Variants in MYO5B observed in about 807,000 individuals in gnomAD.
MYO5B encodes the protein unconventional myosin-Vb.
A neutral mutation model predicts 229.3 loss-of-function variants in MYO5B; 143 were observed. The ratio of observed to expected loss-of-function variants is 0.62; its 90% CI spans 0.54 to 0.72. The LOEUF (loss-of-function observed/expected upper bound fraction) is 0.72. Ranked by LOEUF, MYO5B falls within the 30% of genes least tolerant of loss-of-function variation. The pLI is 0.00. For synonymous variants in MYO5B, 918 were observed against 885.2 expected (o/e 1.04, Z -0.66); for missense variants, 2,321 against 2,331.0 (o/e 1.00, Z 0.09).
At chr18:50,125,482 G>T (rs1048758735) in intron 1 of MYO5B, among the ~76,000 whole-genome samples, 1 of 151,940 alleles carries the variant, frequency 6.6e-6, no homozygotes, top group African/African-American at 2.4e-5. Flanking sequence ...TAACAAACCT[G>T]CACGTTGTGT....
At chr18:49,900,115 G>A (rs1012629150) in intron 21 of MYO5B, among the ~76,000 whole-genome samples, 12 of 152,238 alleles carry the variant, frequency 7.9e-5, no homozygotes, top group African/African-American at 2.9e-4. Flanking sequence ...CCAGCAGGGT[G>A]CAGCGGTCAA....
At chr18:49,939,391 G>T (rs374950524) in intron 14 of MYO5B, among the ~76,000 whole-genome samples, 2 of 152,060 alleles carry the variant, frequency 1.3e-5, no homozygotes, top group Admixed American at 1.3e-4. Context: ...TGATCCGCCC[G>T]CCTCGGCCTT....
Position 50,001,333 on chromosome 18 carries a change from G to A in MYO5B, c.534C>T (p.Arg178=). The A allele has an allele frequency of 2.5e-6, 4 of 1,614,206 alleles. No homozygotes were observed. The highest frequency in any genetic ancestry group is 3.4e-6 in the Non-Finnish European group (4 of 1,180,032). The change falls in exon 5 of 40, where the codon CGC becomes CGT. Residue 178 remains arginine, a synonymous_variant. Transcript: ENST00000285039. The part of the protein sequence containing the change: ...GKTVSAKYAM[R]YFATVGGSAS... The stretch of plus-strand genomic sequence containing the variant: ...CCGAGCCACCAACGGTGGCGAAATA[G>A]CGCATGGCATACTTGGCTGATACCG...
chr18:50,112,128 G>A (rs1407805300), intron 1 of MYO5B, among the ~76,000 whole-genome samples: 2 of 152,182 alleles, frequency 1.3e-5, no homozygotes, highest in African/African-American at 4.8e-5. Context: ...GTCAAAGAAA[G>A]CCTCTCTAAG....
intron 1 of MYO5B, among the ~76,000 whole-genome samples, chr18:50,134,605 A>AAATAATG (rs1396061198): frequency 1.3e-5 from 2 of 148,824 alleles, no homozygotes; most frequent in African/African-American, 5.0e-5. Context: ...AATAAATAAT[A>AAATAATG]GCAGCCTCAA....
At chr18:50,131,935 T>C (rs889520176) in intron 1 of MYO5B, among the ~76,000 whole-genome samples, 1 of 152,214 alleles carries the variant, frequency 6.6e-6, no homozygotes, top group African/African-American at 2.4e-5. Flanking sequence ...GGACCTGAAC[T>C]TTTTGTGAAG....
intron 26 of MYO5B, among the ~76,000 whole-genome samples, chr18:49,875,051 T>A (rs2024501731): frequency 6.6e-6 from 1 of 152,262 alleles, no homozygotes; most frequent in South Asian, 2.1e-4. Context: ...TATTGTTATC[T>A]GCTGTCCTTT....
At chr18:50,119,869 G>C (rs1306666833) in intron 1 of MYO5B, among the ~76,000 whole-genome samples, 1 of 152,168 alleles carries the variant, frequency 6.6e-6, no homozygotes, top group African/African-American at 2.4e-5. Flanking sequence ...GATACCTTCT[G>C]AGAAGCACAA....
At chr18:49,980,631 T>G in intron 8 of MYO5B, 78 bp from the exon 9 acceptor site, 1 of 604,760 alleles carries the variant, frequency 1.7e-6, no homozygotes. Context: ...TTTAAGGACA[T>G]TTTTTTTTTT....
intron 22 of MYO5B, among the ~76,000 whole-genome samples, chr18:49,892,047 GAAT>G (rs2024721397): frequency 6.6e-6 from 1 of 152,310 alleles, no homozygotes; most frequent in East Asian, 1.9e-4. Context: ...AGCAGATTCT[GAAT>G]AATGAGCTGT....
chr18:49,928,301 C>T (rs2025152110), intron 17 of MYO5B, among the ~76,000 whole-genome samples: 1 of 152,176 alleles, frequency 6.6e-6, no homozygotes, highest in South Asian at 2.1e-4. Flanking sequence ...TAAACTAGAA[C>T]AACTGCTATG....
intron 1 of MYO5B, among the ~76,000 whole-genome samples, chr18:50,117,276 A>T (rs1162573964): frequency 3.4e-5 from 5 of 146,936 alleles, no homozygotes; most frequent in South Asian, 4.3e-4. Context: ...ATTCTCATTT[A>T]AAAAAAAAAA....
chr18:50,102,033 C>G (rs1432955892), intron 1 of MYO5B, among the ~76,000 whole-genome samples: 2 of 152,076 alleles, frequency 1.3e-5, no homozygotes, highest in Non-Finnish European at 2.9e-5. Context: ...ACATATACAC[C>G]ACGGAATACT....
intron 4 of MYO5B, among the ~76,000 whole-genome samples, chr18:50,022,396 A>C (rs917598864): frequency 6.6e-6 from 1 of 152,224 alleles, no homozygotes; most frequent in Admixed American, 6.5e-5. Context: ...CAAAGCAGGG[A>C]AATATTTTTG....
At chr18:50,043,488 T>TA (rs2030117970) in intron 2 of MYO5B, among the ~76,000 whole-genome samples, 1 of 88,070 alleles carries the variant, frequency 1.1e-5, no homozygotes, top group Non-Finnish European at 2.3e-5. Context: ...TATAAATATA[T>TA]TTTTATATAT....
chr18:49,842,922 G>A (rs1207285488), intron 34 of MYO5B, among the ~76,000 whole-genome samples: 1 of 152,316 alleles, frequency 6.6e-6, no homozygotes, highest in Admixed American at 6.5e-5. Context: ...GCTGCAGCAG[G>A]ATGTCTCCCT....
At chr18:49,964,710 T>C (rs1568050430) in intron 10 of MYO5B, among the ~76,000 whole-genome samples, 1 of 152,242 alleles carries the variant, frequency 6.6e-6, no homozygotes, top group South Asian at 2.1e-4. Flanking sequence ...ACTTCGTGAA[T>C]TGTCTGATGC....
intron 6 of MYO5B, among the ~76,000 whole-genome samples, 160 bp downstream of exon 6, chr18:49,992,128 T>TGA (rs1486935792): frequency 6.6e-6 from 1 of 152,224 alleles, no homozygotes; most frequent in Non-Finnish European, 1.5e-5. Context: ...ACCATCTGAA[T>TGA]GAACACTTAC....
chr18:49,941,046 C>CA (rs2025307868), intron 14 of MYO5B, among the ~76,000 whole-genome samples: 3 of 152,172 alleles, frequency 2.0e-5, no homozygotes. Context: ...TTACACAGCA[C>CA]AGGAGCTAGT....
Sources: gnomAD v4.1 joint callset for allele counts (sites outside exome capture counted in the v4.1 genomes callset) on GRCh38, gnomAD v4.1.1 for gene constraint, MANE v1.5 for transcripts, NCBI Gene and HGNC (gene_info 2026-07-23, HGNC 2026-07-21) for gene names.